The following HAPSTR1 variants were observed in gnomAD, a reference collection of about 807,000 sequenced individuals.
The protein encoded by HAPSTR1 is HUWE1 associated protein modifying stress responses, also known as HUWE1-associated protein modifying stress responses 1.
At chr16:9,114,731 A>T in the HAPSTR1 span, among the ~76,000 whole-genome samples, 10 of 152,226 alleles carry the variant, frequency 6.6e-5, no homozygotes, top group Non-Finnish European at 1.0e-4. Context: ...GAGGATCAGA[A>T]TAACTGAATA....
the HAPSTR1 span, among the ~76,000 whole-genome samples, chr16:9,101,027 T>C: frequency 2.6e-5 from 4 of 152,258 alleles, no homozygotes; most frequent in African/African-American, 4.8e-5. Flanking sequence ...GCAATTCTTC[T>C]AGGTAGGATA....
At chr16:9,115,523 T>C in the HAPSTR1 span, among the ~76,000 whole-genome samples, 4 of 152,182 alleles carry the variant, frequency 2.6e-5, no homozygotes. Flanking sequence ...TTATCCTGAA[T>C]GTTTAGGAGT....
the HAPSTR1 span, chr16:9,092,348 C>T: frequency 8.2e-7 from 1 of 1,214,048 alleles, no homozygotes; most frequent in Non-Finnish European, 1.0e-6. Context: ...GGCTCAGCGG[C>T]CGCTTCGGGG....
the HAPSTR1 span, among the ~76,000 whole-genome samples, chr16:9,102,238 G>T: frequency 6.6e-6 from 1 of 152,216 alleles, no homozygotes; most frequent in Admixed American, 6.5e-5. Flanking sequence ...AAGACATACT[G>T]GTGATGTTCT....
At chr16:9,112,983 T>C in the HAPSTR1 span, 1 of 151,746 alleles carries the variant, frequency 6.6e-6, no homozygotes, top group Non-Finnish European at 1.5e-5. Context: ...TTAAGTTGTA[T>C]GCCCTCAGGA....
chr16:9,101,724 C>T, the HAPSTR1 span, among the ~76,000 whole-genome samples: 1 of 149,876 alleles, frequency 6.7e-6, no homozygotes, highest in Admixed American at 6.7e-5. Context: ...GCTTGGCATC[C>T]TCTGTGATGT....
At chr16:9,099,284 G>C in the HAPSTR1 span, among the ~76,000 whole-genome samples, 2 of 151,644 alleles carry the variant, frequency 1.3e-5, no homozygotes, top group African/African-American at 2.4e-5. Flanking sequence ...TGCAACCTCT[G>C]CTTCCCAGGC....
At chr16:9,107,884 T>C in the HAPSTR1 span, 1 of 152,090 alleles carries the variant, frequency 6.6e-6, no homozygotes, top group African/African-American at 2.4e-5. Flanking sequence ...TTTTTGGCTT[T>C]AACAGAACAT....
the HAPSTR1 span, chr16:9,091,683 G>C: frequency 7.5e-6 from 3 of 399,278 alleles, no homozygotes; most frequent in Non-Finnish European, 1.3e-5. Context: ...AGGCCGAGCT[G>C]CGCGGAGGGC....
the HAPSTR1 span, chr16:9,107,959 G>A: frequency 6.6e-6 from 1 of 152,090 alleles, no homozygotes; most frequent in Non-Finnish European, 1.5e-5. Context: ...GGTCTGCTAA[G>A]TGAATACAAC....
the HAPSTR1 span, chr16:9,113,027 G>GTTTTTTTTTTTTTTTTTTTTTT: frequency 6.2e-5 from 8 of 128,270 alleles, no homozygotes; most frequent in East Asian, 2.4e-4. Flanking sequence ...TGTTTTTTTT[G>GTTTTTTTTTTTTTTTTTTTTTT]TTTTTTTTTG....
At chr16:9,116,963 C>A in the HAPSTR1 span, 8 of 1,600,260 alleles carry the variant, frequency 5.0e-6, no homozygotes, top group South Asian at 1.1e-5. Flanking sequence ...ACTTGATCCT[C>A]AACATATACT....
chr16:9,115,499 T>C, the HAPSTR1 span, among the ~76,000 whole-genome samples: 744 of 152,322 alleles, frequency 4.9e-3, 31 homozygotes, highest in East Asian at 0.11. Flanking sequence ...GCCTGACTCA[T>C]ACCTTTCACA....
At chr16:9,115,803 C>T in the HAPSTR1 span, among the ~76,000 whole-genome samples, 17 of 152,150 alleles carry the variant, frequency 1.1e-4, no homozygotes, top group Middle Eastern at 3.4e-3. Context: ...TTAGTAGAGA[C>T]GAGTTTTCAC....
At chr16:9,100,686 A>G in the HAPSTR1 span, among the ~76,000 whole-genome samples, 1 of 151,904 alleles carries the variant, frequency 6.6e-6, no homozygotes, top group East Asian at 1.9e-4. Flanking sequence ...GGTGCCTACC[A>G]CCCATGCCTG....
chr16:9,105,162 T>G, the HAPSTR1 span: 1 of 152,198 alleles, frequency 6.6e-6, no homozygotes, highest in Non-Finnish European at 1.5e-5. Context: ...TTCCTGAACT[T>G]TGGGAGTTTT....
At chr16:9,094,373 T>G in the HAPSTR1 span, among the ~76,000 whole-genome samples, 1 of 152,198 alleles carries the variant, frequency 6.6e-6, no homozygotes, top group South Asian at 2.1e-4. Flanking sequence ...CGTTTTGGAA[T>G]GGCTCTTGGT....
the HAPSTR1 span, among the ~76,000 whole-genome samples, chr16:9,093,861 T>G: frequency 2.6e-5 from 4 of 151,818 alleles, no homozygotes; most frequent in South Asian, 2.1e-4. Context: ...TTTGGCAAGA[T>G]TTTTATGGAA....
At chr16:9,120,930 T>G in the HAPSTR1 span, 1 of 152,184 alleles carries the variant, frequency 6.6e-6, no homozygotes, top group Non-Finnish European at 1.5e-5. Flanking sequence ...TAAGCCTTGA[T>G]GCAGGTTACA....
Sources: gnomAD v4.1 joint callset for allele counts (sites outside exome capture counted in the v4.1 genomes callset) on GRCh38, gnomAD v4.1.1 for gene constraint, MANE v1.5 for transcripts, NCBI Gene and HGNC (gene_info 2026-07-23, HGNC 2026-07-21) for gene names.